IPCEF1: variants seen among roughly 807,000 people sequenced by gnomAD.
IPCEF1 encodes interactor protein for cytohesin exchange factors 1.
Under a neutral mutation model 50.9 loss-of-function variants are expected in IPCEF1, and 31 were observed. The ratio of observed to expected loss-of-function variants is 0.61; its 90% CI spans 0.46 to 0.82. The LOEUF is 0.82. Among genes scored for constraint, IPCEF1 ranks in the 40% least tolerant of loss-of-function variants. The pLI, the probability that IPCEF1 is intolerant of heterozygous loss-of-function variation, is 0.00. For missense variants in IPCEF1, 458 were observed against 514.0 expected (o/e 0.89, Z 1.05); for synonymous variants, 181 against 192.0 (o/e 0.94, Z 0.47).
At chr6:154,287,042 G>A (rs547671395) in intron 2 of IPCEF1, among the ~76,000 whole-genome samples, 6 of 152,228 alleles carry the variant, frequency 3.9e-5, no homozygotes, top group African/African-American at 1.4e-4. Context: ...CAGATTGCTC[G>A]AGCTCAGGAG....
chr6:154,246,069 T>C (rs895153155), intron 5 of IPCEF1, among the ~76,000 whole-genome samples: 11 of 152,074 alleles, frequency 7.2e-5, no homozygotes, highest in Non-Finnish European at 1.6e-4. Flanking sequence ...AAAGCTGGCA[T>C]AGGGGTTAGC....
In IPCEF1 at chr6:154,182,787, C is replaced by T. The variant is rs1307412661; in HGVS notation, c.911-14674G>A. ...CTGTGGCACCATAACCCGCTGGATCCATCAACCATGTGGATCCATGATGGG... is the reference window on the plus strand; with the variant it reads ...CTGTGGCACCATAACCCGCTGGATCTATCAACCATGTGGATCCATGATGGG... On this transcript the variant is annotated intron_variant, in intron 10 of 11. Coordinates refer to ENST00000367220, the MANE Select transcript of IPCEF1 (RefSeq NM_001130700.2). Among the ~76,000 whole-genome samples the T allele has an allele frequency of 2.0e-5, 3 of 151,982 alleles. No individual in the cohort carries two copies. In the East Asian group the frequency reaches 5.8e-4, roughly 29 times the overall value.
chr6:154,183,437 A>AT (rs1416575569), intron 10 of IPCEF1, among the ~76,000 whole-genome samples: 1 of 152,238 alleles, frequency 6.6e-6, no homozygotes, highest in East Asian at 1.9e-4. Context: ...AAATTAATCT[A>AT]AACATTTGAG....
chr6:154,198,122 G>C (rs1321059815), intron 10 of IPCEF1, among the ~76,000 whole-genome samples: 1 of 152,078 alleles, frequency 6.6e-6, no homozygotes, highest in Non-Finnish European at 1.5e-5. Flanking sequence ...CAGTGATAAG[G>C]AATGCATTCC....
intron 3 of IPCEF1, among the ~76,000 whole-genome samples, chr6:154,250,747 A>T (rs1452939863): frequency 6.6e-6 from 1 of 152,232 alleles, no homozygotes; most frequent in Non-Finnish European, 1.5e-5. Flanking sequence ...ATTCACAGTA[A>T]GATGCTCTGT....
chr6:154,209,833 C>G (rs1777822461), intron 9 of IPCEF1, among the ~76,000 whole-genome samples: 1 of 152,082 alleles, frequency 6.6e-6, no homozygotes. Context: ...GAAAAAAAAT[C>G]TAACTGTTCA....
In IPCEF1 at chr6:154,154,948, C is replaced by T. The variant is rs888441017; in HGVS notation, c.*4880G>A. The T allele has an allele frequency of 3.9e-5, 6 of 152,220 alleles. No homozygotes were observed. Among genetic ancestry groups the T allele is most frequent in the Non-Finnish European group, 5.9e-5 (4 of 68,018 alleles). 9.4% of individuals were successfully genotyped at this position (152,220 alleles called of 1,614,324 possible). On this transcript the variant is annotated 3_prime_UTR_variant, in exon 12 of 12. Coordinates refer to ENST00000367220, the MANE Select transcript of IPCEF1 (RefSeq NM_001130700.2). ...ACATTAAAATATATGGCGATTAAAA[C>T]TCCTGGTTTCTATTTTACGGCATTT...
chr6:154,253,650 G>A (rs1781391915), intron 3 of IPCEF1, among the ~76,000 whole-genome samples: 1 of 152,156 alleles, frequency 6.6e-6, no homozygotes, highest in South Asian at 2.1e-4. Context: ...GTCTGGAAGT[G>A]GAATTCCATG....
At chr6:154,308,007 C>G (rs1373899369) in intron 1 of IPCEF1, among the ~76,000 whole-genome samples, 2 of 152,118 alleles carry the variant, frequency 1.3e-5, no homozygotes, top group African/African-American at 2.4e-5. Flanking sequence ...TGAACGTTGC[C>G]CCTTTAAATA....
At chr6:154,238,300 G>A (rs151040427) in intron 5 of IPCEF1, among the ~76,000 whole-genome samples, 2 of 152,174 alleles carry the variant, frequency 1.3e-5, no homozygotes, top group African/African-American at 4.8e-5. Flanking sequence ...TTGTTGCCCA[G>A]GCTAGAGTGC....
At chr6:154,306,908 C>G (rs1468799608) in intron 1 of IPCEF1, 1 of 152,074 alleles carries the variant, frequency 6.6e-6, no homozygotes, top group Non-Finnish European at 1.5e-5. Flanking sequence ...TGTATTCATG[C>G]CCCTCTGTGC....
chr6:154,292,916 A>G (rs1462633574), intron 1 of IPCEF1, among the ~76,000 whole-genome samples: 1 of 152,198 alleles, frequency 6.6e-6, no homozygotes, highest in Non-Finnish European at 1.5e-5. Flanking sequence ...ATGATATACC[A>G]GCTCTTTCTT....
chr6:154,168,026 C>T lies in IPCEF1; in HGVS notation c.998G>A (p.Arg333Gln). 4 of 1,611,354 alleles carry T rather than the reference C, an allele frequency of 2.5e-6. No homozygotes were observed. Among genetic ancestry groups the T allele is most frequent in the Non-Finnish European group, 3.4e-6 (4 of 1,177,994 alleles). The change falls in exon 11 of 12, where the codon CGA (arginine) becomes CAA (glutamine). Residue 333 changes from arginine to glutamine, a missense_variant. Coordinates refer to ENST00000367220, the MANE Select transcript of IPCEF1 (RefSeq NM_001130700.2). This position sits in a 1 kb window ranked among gnomAD's most constrained non-coding sequence, Gnocchi z 4.1. ...QASLSPLGDRRPSTKKELRKS... is the reference protein window; with the variant it reads ...QASLSPLGDRQPSTKKELRKS... The stretch of plus-strand genomic sequence containing the variant: ...TCTCAACTCCTTTTTAGTCGAAGGT[C>T]GTCGGTCCCCAAGAGGAGATAGACT...
At chr6:154,239,536 G>T (rs1780405583) in intron 5 of IPCEF1, among the ~76,000 whole-genome samples, 1 of 152,160 alleles carries the variant, frequency 6.6e-6, no homozygotes, top group Non-Finnish European at 1.5e-5. Context: ...ATGAGTCATT[G>T]TCTTGCGGTA....
chr6:154,221,747 A>G (rs1778880371), intron 6 of IPCEF1, among the ~76,000 whole-genome samples: 1 of 151,990 alleles, frequency 6.6e-6, no homozygotes, highest in Non-Finnish European at 1.5e-5. Context: ...GGTGGCGGGC[A>G]CCTCTAGTCC....
intron 3 of IPCEF1, among the ~76,000 whole-genome samples, chr6:154,258,139 T>C (rs1781508116): frequency 6.6e-6 from 1 of 152,228 alleles, no homozygotes; most frequent in African/African-American, 2.4e-5. Flanking sequence ...ACCTCCACTA[T>C]GAAGCCCTCT....
At chr6:154,255,816 G>A (rs940311041) in intron 3 of IPCEF1, among the ~76,000 whole-genome samples, 5 of 151,984 alleles carry the variant, frequency 3.3e-5, no homozygotes, top group South Asian at 2.1e-4. Flanking sequence ...CATCTATTGA[G>A]CTATTGCAAG....
At chr6:154,206,748 G>A (rs1365005183) in intron 9 of IPCEF1, among the ~76,000 whole-genome samples, 1 of 152,178 alleles carries the variant, frequency 6.6e-6, no homozygotes, top group African/African-American at 2.4e-5. Context: ...CTTAGAAGGT[G>A]GGATTGGGGT....
At chr6:154,191,721 C>A (rs923868525) in intron 10 of IPCEF1, among the ~76,000 whole-genome samples, 2 of 151,696 alleles carry the variant, frequency 1.3e-5, no homozygotes, top group Non-Finnish European at 2.9e-5. Context: ...AAGAGTGAAC[C>A]CTAATGTAAA....
Sources: gnomAD v4.1 joint callset for allele counts (sites outside exome capture counted in the v4.1 genomes callset) on GRCh38, gnomAD v4.1.1 for gene constraint, Gnocchi (gnomAD v3.1) non-coding constraint, MANE v1.5 for transcripts, NCBI Gene and HGNC (gene_info 2026-07-23, HGNC 2026-07-21) for gene names.